The following RAPGEF2 variants were observed in gnomAD, a reference collection of about 807,000 sequenced individuals.
RAPGEF2 encodes the protein PDZ domain containing guanine nucleotide exchange factor (GEF) 1.
RAPGEF2 carries 54 observed loss-of-function variants against 186.7 expected under a neutral mutation model. The ratio of observed to expected loss-of-function variants is 0.29; its 90% CI spans 0.23 to 0.36. The LOEUF is 0.36. Among genes scored for constraint, RAPGEF2 ranks in the 10% least tolerant of loss-of-function variants. The pLI, the probability that RAPGEF2 is intolerant of heterozygous loss-of-function variation, is 1.00. For synonymous variants in RAPGEF2, 712 were observed against 705.9 expected, an observed-to-expected ratio of 1.01 and a Z score of -0.14; for missense variants, 1,532 against 2,045.0, an observed-to-expected ratio of 0.75 and a Z score of 4.84.
At position 159,236,599 on chromosome 4, in the gene RAPGEF2, T is replaced by C. The variant is rs140533672; in HGVS notation, c.282-2210T>C. On this transcript the variant is annotated intron_variant, in intron 4 of 29. Transcript: ENST00000691494. ...TTATGATTTTTTACTATGTTACATT[T>C]AAAAACGCATAAACATTAGACCACT... is the stretch of plus-strand genomic sequence containing the variant. Among the ~76,000 whole-genome samples the C allele has an allele frequency of 3.4e-3, 519 of 151,908 alleles. 4 individuals carry two copies. The highest frequency in any genetic ancestry group is 0.012 in the African/African-American group (501 of 41,394).
chr4:159,274,479 G>C (rs1416892792), intron 7 of RAPGEF2, among the ~76,000 whole-genome samples: 1 of 152,142 alleles, frequency 6.6e-6, no homozygotes, highest in East Asian at 1.9e-4. Context: ...AACCATGTGA[G>C]CATGTATAAA....
chr4:159,194,650 T>C (rs917921055), intron 3 of RAPGEF2, among the ~76,000 whole-genome samples: 1 of 152,116 alleles, frequency 6.6e-6, no homozygotes, highest in African/African-American at 2.4e-5. Flanking sequence ...AAAATAACTC[T>C]TTAATATCAT....
chr4:159,186,594 C>A (rs764589824), intron 1 of RAPGEF2, 48 bp from the exon 2 acceptor site: 53 of 986,416 alleles, frequency 5.4e-5, no homozygotes, highest in Admixed American at 2.4e-4. Flanking sequence ...TTTTAGAAAC[C>A]CCTTTTCCTG....
intron 6 of RAPGEF2, among the ~76,000 whole-genome samples, chr4:159,243,474 A>G (rs915356962): frequency 4.6e-5 from 7 of 152,008 alleles, no homozygotes; most frequent in African/African-American, 1.7e-4. Context: ...ATATTTACTT[A>G]TTCTTAACAG....
intron 1 of RAPGEF2, among the ~76,000 whole-genome samples, chr4:159,175,936 A>C (rs1280626975): frequency 6.6e-6 from 1 of 152,174 alleles, no homozygotes; most frequent in Non-Finnish European, 1.5e-5. Flanking sequence ...TGAGAAAGAG[A>C]TGTAAGAGAA....
At chr4:159,347,423 G>C (rs944965981) in intron 25 of RAPGEF2, among the ~76,000 whole-genome samples, 4 of 152,186 alleles carry the variant, frequency 2.6e-5, no homozygotes, top group African/African-American at 7.2e-5. Context: ...CTATAACTTA[G>C]AGGGAAAAAT....
chr4:159,136,623 G>A (rs1030985395), intron 1 of RAPGEF2, among the ~76,000 whole-genome samples: 5 of 152,132 alleles, frequency 3.3e-5, no homozygotes, highest in Admixed American at 3.3e-4. Flanking sequence ...CAATGTGAAT[G>A]CCTAGCACAC....
At chr4:159,264,451 G>A (rs908506745) in intron 7 of RAPGEF2, among the ~76,000 whole-genome samples, 6 of 152,166 alleles carry the variant, frequency 3.9e-5, no homozygotes, top group African/African-American at 9.7e-5. Context: ...TCAGCATGGG[G>A]GTAATTTGAC....
chr4:159,348,939 A>T (rs754247398), intron 25 of RAPGEF2, among the ~76,000 whole-genome samples: 9 of 152,216 alleles, frequency 5.9e-5, no homozygotes, highest in African/African-American at 2.2e-4. Flanking sequence ...GTTTTGTTCT[A>T]TATACTTTCT....
At position 159,333,224 on chromosome 4, in the gene RAPGEF2, C is replaced by T. The variant is rs977785284; in HGVS notation, c.2135+527C>T. Among the ~76,000 whole-genome samples the T allele has an allele frequency of 2.6e-5, 4 of 152,092 alleles. No individual in the cohort carries two copies. The East Asian group carries it at 5.8e-4, about 22-fold the overall frequency. ...TGAACTCCTGACCTCGTGATCCACC[C>T]GCCTCGGCCTCCCAAAGTGCTGGGA... On this transcript the variant is annotated intron_variant, in intron 17 of 29. Coordinates refer to ENST00000691494, the MANE Select transcript of RAPGEF2 (RefSeq NM_001394067.2).
intron 4 of RAPGEF2, among the ~76,000 whole-genome samples, chr4:159,226,250 T>A (rs148927714): frequency 0.014 from 2,141 of 152,294 alleles, 18 homozygotes; most frequent in Middle Eastern, 0.068. Flanking sequence ...CTTCAATCCA[T>A]CAAATTGCCT....
At chr4:159,174,751 T>C (rs1746279183) in intron 1 of RAPGEF2, among the ~76,000 whole-genome samples, 1 of 115,456 alleles carries the variant, frequency 8.7e-6, no homozygotes, top group African/African-American at 4.8e-5. Context: ...ACATGTCTTT[T>C]CTTTCTTTCT....
chr4:159,295,412 G>GTGTA (rs1294493679), intron 7 of RAPGEF2, among the ~76,000 whole-genome samples: 1 of 152,136 alleles, frequency 6.6e-6, no homozygotes, highest in Non-Finnish European at 1.5e-5. Context: ...GTGTGTGTGT[G>GTGTA]TGTATGTATG....
chr4:159,142,733 C>A (rs866734404), intron 1 of RAPGEF2, among the ~76,000 whole-genome samples: 7 of 152,122 alleles, frequency 4.6e-5, no homozygotes, highest in Non-Finnish European at 5.9e-5. Context: ...AAAATCTTCT[C>A]TCTTATAAAT....
intron 20 of RAPGEF2, 24 bp from the exon 21 acceptor site, chr4:159,342,955 C>A (rs776670785): frequency 1.2e-6 from 2 of 1,600,550 alleles, no homozygotes; most frequent in Admixed American, 3.4e-5. Flanking sequence ...AGTTGTTATA[C>A]CATGTTTCTT....
At chr4:159,127,908 C>G (rs543082743) in intron 1 of RAPGEF2, among the ~76,000 whole-genome samples, 4 of 152,248 alleles carry the variant, frequency 2.6e-5, no homozygotes, top group African/African-American at 9.6e-5. Flanking sequence ...GATAGCAATT[C>G]AAATTTTACT....
intron 1 of RAPGEF2, among the ~76,000 whole-genome samples, chr4:159,106,316 T>G (rs1737878463): frequency 6.6e-6 from 1 of 152,226 alleles, no homozygotes; most frequent in Non-Finnish European, 1.5e-5. Flanking sequence ...CGTTTATTTC[T>G]TTTCAAGAGA....
At position 159,331,651 on chromosome 4, in the gene RAPGEF2, C is replaced by T. The variant is rs917968942; in HGVS notation, c.1597C>T (p.Leu533=). 16 of 1,613,966 alleles carry T rather than the reference C, an allele frequency of 9.9e-6. No homozygotes were observed. The African/African-American group carries it at 1.7e-4, about 18-fold the overall frequency. Residue 533 remains leucine (L), a synonymous_variant, in exon 15 of 30, where the codon CTG becomes TTG. Coordinates refer to ENST00000691494, the MANE Select transcript of RAPGEF2 (RefSeq NM_001394067.2). Reference sequence around the variant, plus strand: ...AAAGAAAATGGGTGGACACCTAAGGCTGTTGAATATCGCGTGTGCTGCTAA... The same window carrying T: ...AAAGAAAATGGGTGGACACCTAAGGTTGTTGAATATCGCGTGTGCTGCTAA... ...EREKMGGHLR[L]LNIACAAKAK... is the part of the protein sequence containing the mutation.
chr4:159,274,061 G>A (rs1242074452), intron 7 of RAPGEF2, among the ~76,000 whole-genome samples: 1 of 152,146 alleles, frequency 6.6e-6, no homozygotes, highest in Non-Finnish European at 1.5e-5. Flanking sequence ...CGAAGTGCTA[G>A]GATTACAGGC....
Sources: gnomAD v4.1 joint callset for allele counts (sites outside exome capture counted in the v4.1 genomes callset) on GRCh38, gnomAD v4.1.1 for gene constraint, MANE v1.5 for transcripts, NCBI Gene and HGNC (gene_info 2026-07-23, HGNC 2026-07-21) for gene names.